ARL15: variants seen among roughly 807,000 people sequenced by gnomAD.
The protein encoded by ARL15 is ARF like GTPase 15.
A neutral mutation model predicts 25.2 loss-of-function variants in ARL15; 19 were observed. That is an observed-to-expected ratio of 0.75 (90% confidence interval 0.53 to 1.10). The LOEUF (loss-of-function observed/expected upper bound fraction) is 1.10, where lower values mean the gene tolerates loss of function less well. Among genes scored for constraint, ARL15 ranks in the 50% least tolerant of loss-of-function variants. ARL15 has a pLI of 0.00. For synonymous variants in ARL15, 94 were observed against 86.8 expected (o/e 1.08, Z -0.46); for missense variants, 220 against 246.0 (o/e 0.89, Z 0.71).
intron 3 of ARL15, among the ~76,000 whole-genome samples, chr5:54,127,789 CA>C (rs1326753753): frequency 2.0e-5 from 3 of 151,470 alleles, no homozygotes; most frequent in African/African-American, 7.3e-5. Flanking sequence ...CTACAGTAAC[CA>C]AAACAGCATG....
intron 4 of ARL15, among the ~76,000 whole-genome samples, chr5:54,053,978 T>C (rs1263615198): frequency 6.6e-6 from 1 of 152,188 alleles, no homozygotes; most frequent in Non-Finnish European, 1.5e-5. Flanking sequence ...CAGAGGAAAA[T>C]GGGTATGGGA....
intron 3 of ARL15, among the ~76,000 whole-genome samples, chr5:54,124,345 T>C (rs1042027955): frequency 1.3e-5 from 2 of 152,250 alleles, no homozygotes; most frequent in African/African-American, 2.4e-5. Flanking sequence ...CTTGTAATTC[T>C]GACATAGGAT....
intron 4 of ARL15, among the ~76,000 whole-genome samples, chr5:53,950,917 C>G (rs572376219): frequency 6.6e-6 from 1 of 152,214 alleles, no homozygotes; most frequent in Non-Finnish European, 1.5e-5. Flanking sequence ...AGCATCTGTT[C>G]CTGACGATGG....
intron 4 of ARL15, among the ~76,000 whole-genome samples, chr5:53,965,311 A>ATG (rs1747516600): frequency 6.6e-6 from 1 of 152,222 alleles, no homozygotes; most frequent in Admixed American, 6.5e-5. Flanking sequence ...TGGTGGAAGA[A>ATG]GATAAGTGGA....
chr5:54,037,742 C>CATTTGT (rs1374644174), intron 4 of ARL15, among the ~76,000 whole-genome samples: 1 of 152,030 alleles, frequency 6.6e-6, no homozygotes, highest in Non-Finnish European at 1.5e-5. Context: ...TTTAAAACTT[C>CATTTGT]ATTTGTTTTT....
At chr5:53,901,644 G>C (rs573012046) in intron 4 of ARL15, among the ~76,000 whole-genome samples, 247 of 118,692 alleles carry the variant, frequency 2.1e-3, no homozygotes, top group Middle Eastern at 0.01. Flanking sequence ...TACCCATTAA[G>C]TGTGCATATT....
At chr5:54,148,172 G>A (rs2112331266) in intron 3 of ARL15, among the ~76,000 whole-genome samples, 1 of 152,288 alleles carries the variant, frequency 6.6e-6, no homozygotes, top group African/African-American at 2.4e-5. Context: ...AGGCAGCAGT[G>A]CCCCCTGGGT....
chr5:54,278,510 T>A (rs2112661797), intron 1 of ARL15, among the ~76,000 whole-genome samples: 1 of 152,308 alleles, frequency 6.6e-6, no homozygotes, highest in South Asian at 2.1e-4. Context: ...TTGTGATACA[T>A]CCCTACATTA....
intron 4 of ARL15, among the ~76,000 whole-genome samples, chr5:53,924,481 AG>A (rs990777239): frequency 1.3e-5 from 2 of 152,234 alleles, no homozygotes; most frequent in Non-Finnish European, 2.9e-5. Context: ...TTGAGCCAGA[AG>A]GGGACTTACA....
At chr5:53,937,085 G>GA (rs930293283) in intron 4 of ARL15, among the ~76,000 whole-genome samples, 1 of 152,062 alleles carries the variant, frequency 6.6e-6, no homozygotes, top group African/African-American at 2.4e-5. Flanking sequence ...TGACAGAACT[G>GA]AAAAAAACAC....
intron 3 of ARL15, among the ~76,000 whole-genome samples, chr5:54,118,888 CT>C (rs1230578296): frequency 1.3e-5 from 2 of 152,194 alleles, no homozygotes; most frequent in African/African-American, 4.8e-5. Flanking sequence ...AAACAAAGTT[CT>C]ACGTACCATA....
At chr5:54,132,991 A>G (rs1753483047) in intron 3 of ARL15, among the ~76,000 whole-genome samples, 1 of 152,238 alleles carries the variant, frequency 6.6e-6, no homozygotes. Flanking sequence ...AATAACAAAG[A>G]CAATAGAATG....
At chr5:54,245,924 G>A (rs1757076345) in intron 1 of ARL15, among the ~76,000 whole-genome samples, 1 of 152,050 alleles carries the variant, frequency 6.6e-6, no homozygotes, top group South Asian at 2.1e-4. Flanking sequence ...ATAATTCTAT[G>A]GTAAGCCCCT....
At chr5:54,086,756 C>A (rs1201073555) in intron 4 of ARL15, among the ~76,000 whole-genome samples, 2 of 152,102 alleles carry the variant, frequency 1.3e-5, no homozygotes, top group African/African-American at 2.4e-5. Flanking sequence ...GGCAACTAGC[C>A]TAATGATACG....
chr5:54,265,011 T>C (rs1406694154), intron 1 of ARL15, among the ~76,000 whole-genome samples: 1 of 152,200 alleles, frequency 6.6e-6, no homozygotes, highest in African/African-American at 2.4e-5. Context: ...TCAAGTACCA[T>C]GCCATAGTTA....
intron 3 of ARL15, among the ~76,000 whole-genome samples, chr5:54,126,277 A>G (rs1393385996): frequency 6.6e-6 from 1 of 152,106 alleles, no homozygotes; most frequent in Admixed American, 6.5e-5. Flanking sequence ...CTTCTATCAT[A>G]TGTTCCCTTC....
intron 3 of ARL15, among the ~76,000 whole-genome samples, chr5:54,114,295 A>C (rs1308454287): frequency 2.0e-5 from 3 of 149,670 alleles, no homozygotes; most frequent in East Asian, 4.0e-4. Flanking sequence ...CTACTTGGGA[A>C]GCTAAGGCTG....
chr5:54,016,278 T>C (rs970085461), intron 4 of ARL15, among the ~76,000 whole-genome samples: 3 of 152,160 alleles, frequency 2.0e-5, no homozygotes, highest in African/African-American at 7.2e-5. Context: ...TGTCGTTCCC[T>C]GTCAAGTAAT....
intron 3 of ARL15, among the ~76,000 whole-genome samples, chr5:54,114,722 C>T (rs1310424078): frequency 6.6e-6 from 1 of 152,146 alleles, no homozygotes; most frequent in Non-Finnish European, 1.5e-5. Flanking sequence ...TAGCAGACAA[C>T]CTGCCCAGGG....
Sources: gnomAD v4.1 joint callset for allele counts (sites outside exome capture counted in the v4.1 genomes callset) on GRCh38, gnomAD v4.1.1 for gene constraint, MANE v1.5 for transcripts, NCBI Gene and HGNC (gene_info 2026-07-23, HGNC 2026-07-21) for gene names.